Variants in CASR observed in about 807,000 individuals in gnomAD.
The protein encoded by CASR is extracellular calcium-sensing receptor.
In CASR, 23 loss-of-function variants were observed where a neutral mutation model predicts 69.1. The ratio of observed to expected loss-of-function variants is 0.33; its 90% CI spans 0.24 to 0.47. CASR has a LOEUF of 0.47. CASR is among the 20% of genes least tolerant of loss of function. The probability of loss-of-function intolerance (pLI) is 1.00; values close to 1 mark genes in which losing one functional copy is unlikely to be tolerated. For synonymous variants in CASR, 541 were observed against 544.7 expected (o/e 0.99, Z 0.10); for missense variants, 924 against 1,356.1 (o/e 0.68, Z 5.00).
intron 1 of CASR, chr3:122,246,720 A>C (rs1418860733): frequency 1.3e-5 from 2 of 152,194 alleles, no homozygotes; most frequent in Admixed American, 1.3e-4. Context: ...TATTTAGCAT[A>C]CACCACAAGT....
intron 3 of CASR, among the ~76,000 whole-genome samples, chr3:122,260,636 A>G (rs1410361325): frequency 6.6e-6 from 1 of 152,126 alleles, no homozygotes; most frequent in Non-Finnish European, 1.5e-5. Flanking sequence ...ACATGTATAC[A>G]TATGTAACAA....
intron 1 of CASR, among the ~76,000 whole-genome samples, chr3:122,222,677 A>C (rs1264222778): frequency 6.6e-6 from 1 of 152,160 alleles, no homozygotes; most frequent in Admixed American, 6.6e-5. Flanking sequence ...GTATCTAACA[A>C]AGATATTCTG....
At chr3:122,235,119 T>C (rs2074317048) in intron 1 of CASR, among the ~76,000 whole-genome samples, 1 of 152,182 alleles carries the variant, frequency 6.6e-6, no homozygotes, top group Non-Finnish European at 1.5e-5. Context: ...CAGTTGCAGG[T>C]AAACAGGGTC....
At position 122,262,050 on chromosome 3, in the gene CASR, C is replaced by A; in HGVS notation, c.1015C>A (p.Pro339Thr). 6.2e-7 allele frequency: 1 copy of A among 1,614,160 alleles called. No homozygotes were observed. The highest frequency in any genetic ancestry group is 8.5e-7 in the Non-Finnish European group (1 of 1,180,018). Residue 339 changes from proline to threonine, a missense_variant, in exon 4 of 7, where the codon CCC (proline) becomes ACC (threonine). Pro to Thr is a conservative substitution (Grantham distance 38, BLOSUM62 -1). Around this residue, in one of 8 missense-constraint regions of CASR, gnomAD observed 310 missense variants for 395.7 expected, o/e 0.78. Coordinates refer to ENST00000639785, the MANE Select transcript of CASR (RefSeq NM_000388.4). Reference sequence around the variant, plus strand: ...CCGGGAATTCCTGAAGAAGGTCCATCCCAGGAAGTCTGTCCACAATGGTTT... The same window carrying A: ...CCGGGAATTCCTGAAGAAGGTCCATACCAGGAAGTCTGTCCACAATGGTTT... Reference protein sequence around the residue: ...GFREFLKKVHPRKSVHNGFAK... With the variant: ...GFREFLKKVHTRKSVHNGFAK...
At chr3:122,200,270 C>T (rs2073929010) in intron 1 of CASR, among the ~76,000 whole-genome samples, 1 of 152,082 alleles carries the variant, frequency 6.6e-6, no homozygotes, top group African/African-American at 2.4e-5. Context: ...GATGGATATG[C>T]TAATTACCCT....
intron 4 of CASR, among the ~76,000 whole-genome samples, chr3:122,274,682 G>A (rs897379408): frequency 1.2e-4 from 19 of 152,154 alleles, no homozygotes; most frequent in African/African-American, 3.6e-4. Flanking sequence ...CAGGATGGTC[G>A]ATTGAGCCCA....
chr3:122,273,377 G>A (rs1559964108), intron 4 of CASR, among the ~76,000 whole-genome samples: 1 of 152,106 alleles, frequency 6.6e-6, no homozygotes, highest in Non-Finnish European at 1.5e-5. Flanking sequence ...GATACTAATA[G>A]TTCTAATCCA....
intron 1 of CASR, among the ~76,000 whole-genome samples, chr3:122,248,796 A>G (rs1225606725): frequency 6.6e-6 from 1 of 152,084 alleles, no homozygotes; most frequent in East Asian, 1.9e-4. Context: ...AAGAGGTGAG[A>G]GTAGGGGTGG....
intron 1 of CASR, among the ~76,000 whole-genome samples, chr3:122,244,037 G>C (rs766515227): frequency 1.6e-4 from 25 of 152,098 alleles, no homozygotes; most frequent in Non-Finnish European, 3.5e-4. Context: ...GAGGGTAGTC[G>C]GGGAGTGGGG....
At chr3:122,210,892 G>A (rs956378665) in intron 1 of CASR, among the ~76,000 whole-genome samples, 5 of 152,082 alleles carry the variant, frequency 3.3e-5, no homozygotes, top group South Asian at 2.1e-4. Flanking sequence ...AAACAGACAC[G>A]TAGACCAATG....
At chr3:122,196,175 T>C (rs1411335494) in intron 1 of CASR, among the ~76,000 whole-genome samples, 1 of 152,132 alleles carries the variant, frequency 6.6e-6, no homozygotes, top group African/African-American at 2.4e-5. Flanking sequence ...TGTAGTGACA[T>C]AGAAATGTGT....
At chr3:122,242,811 G>A (rs2074390667) in intron 1 of CASR, among the ~76,000 whole-genome samples, 1 of 152,084 alleles carries the variant, frequency 6.6e-6, no homozygotes, top group South Asian at 2.1e-4. Context: ...GCGTGGTACT[G>A]GAATAACAAC....
intron 4 of CASR, among the ~76,000 whole-genome samples, chr3:122,264,426 C>T (rs2074663470): frequency 6.6e-6 from 1 of 152,222 alleles, no homozygotes; most frequent in African/African-American, 2.4e-5. Flanking sequence ...ATCCCTGATG[C>T]TAGCAGTCCT....
intron 1 of CASR, among the ~76,000 whole-genome samples, chr3:122,189,520 A>G (rs1163503709): frequency 6.6e-6 from 1 of 152,176 alleles, no homozygotes; most frequent in Admixed American, 6.5e-5. Flanking sequence ...CCAGGGTGGA[A>G]ACCTGTTTTC....
intron 4 of CASR, among the ~76,000 whole-genome samples, chr3:122,268,601 C>T (rs1377125297): frequency 1.3e-5 from 2 of 152,234 alleles, no homozygotes; most frequent in Admixed American, 6.5e-5. Context: ...AGAGTGCACA[C>T]AGCCAACCAG....
intron 1 of CASR, chr3:122,246,564 C>G (rs1212690566): frequency 6.6e-6 from 1 of 152,106 alleles, no homozygotes; most frequent in Non-Finnish European, 1.5e-5. Context: ...CAAAGAAAAC[C>G]AGAATTTCCA....
intron 1 of CASR, among the ~76,000 whole-genome samples, chr3:122,250,635 A>C (rs1204196887): frequency 6.6e-6 from 1 of 152,246 alleles, no homozygotes; most frequent in Non-Finnish European, 1.5e-5. Context: ...TCATTACAAA[A>C]TTGTTGTGAA....
At chr3:122,216,010 G>GTGTT (rs2074114278) in intron 1 of CASR, among the ~76,000 whole-genome samples, 1 of 152,178 alleles carries the variant, frequency 6.6e-6, no homozygotes, top group Admixed American at 6.5e-5. Context: ...CTTTAATGGG[G>GTGTT]TGTTCATAAT....
At chr3:122,242,975 A>G (rs1401681495) in intron 1 of CASR, among the ~76,000 whole-genome samples, 1 of 152,110 alleles carries the variant, frequency 6.6e-6, no homozygotes, top group Non-Finnish European at 1.5e-5. Context: ...ATCCAAATGC[A>G]GAAGAATGAA....
Sources: allele counts gnomAD v4.1 joint callset (sites outside exome capture counted in the v4.1 genomes callset), GRCh38; gene constraint gnomAD v4.1.1; regional missense constraint gnomAD v4.1.1; transcripts MANE v1.5; gene names NCBI Gene and HGNC (gene_info 2026-07-23, HGNC 2026-07-21).